The following TMEM175 variants were observed in gnomAD, a reference collection of about 807,000 sequenced individuals.
TMEM175 encodes transmembrane protein 175, also known as endosomal/lysosomal proton channel TMEM175.
A neutral mutation model predicts 36.5 loss-of-function variants in TMEM175; 36 were observed. The ratio of observed to expected loss-of-function variants is 0.99; its 90% CI spans 0.76 to 1.30. TMEM175 has a LOEUF of 1.30. Among genes scored for constraint, TMEM175 ranks in the 50% most tolerant of loss-of-function variants. The pLI is 0.00. For missense variants in TMEM175, 705 were observed against 692.8 expected, an observed-to-expected ratio of 1.02 and a Z score of -0.20; for synonymous variants, 339 against 313.4, an observed-to-expected ratio of 1.08 and a Z score of -0.86.
At chr4:937,954 A>G in intron 1 of TMEM175, among the ~76,000 whole-genome samples, 1 of 152,178 alleles carries the variant, frequency 6.6e-6, no homozygotes, top group Non-Finnish European at 1.5e-5. Context: ...GTCAATAGAT[A>G]CAGAGAAGCA....
At chr4:948,698 A>T in intron 3 of TMEM175, 2 of 1,196,270 alleles carry the variant, frequency 1.7e-6, no homozygotes, top group Non-Finnish European at 2.1e-6. Context: ...TAGAAGGGGA[A>T]TGACTGGAGG....
intron 10 of TMEM175, 72 bp from the exon 11 acceptor site, chr4:957,752 G>A (rs1167265204): frequency 1.8e-5 from 27 of 1,473,824 alleles, no homozygotes; most frequent in Non-Finnish European, 2.3e-5. Flanking sequence ...CCTGACAGGC[G>A]CTCAGCCACC....
In TMEM175 at chr4:947,713, C is replaced by T; in HGVS notation, c.-27C>T. ...CAGACCTGCCTTTCCTCCCAGGCTC[C>T]TGTAACCGCCAGGCAGCGGCCCCGC... On this transcript the variant is annotated 5_prime_UTR_variant, in exon 2 of 11. Transcript: ENST00000264771. 1.3e-6 allele frequency: 2 copies of T among 1,579,992 alleles called. No individual in the cohort carries two copies. The highest frequency in any genetic ancestry group is 2.3e-5 in the South Asian group (2 of 85,848).
intron 1 of TMEM175, among the ~76,000 whole-genome samples, chr4:942,997 A>G (rs1017816327): frequency 6.6e-6 from 1 of 152,168 alleles, no homozygotes; most frequent in Non-Finnish European, 1.5e-5. Flanking sequence ...GACAAGCCAC[A>G]GACTGCAAGA....
intron 3 of TMEM175, chr4:948,534 A>C (rs1241147444): frequency 2.9e-6 from 4 of 1,366,662 alleles, no homozygotes; most frequent in South Asian, 2.4e-5. Context: ...CAGGCCCCTT[A>C]CGTAGCTGCT....
chr4:958,604 G>A lies in TMEM175; in HGVS notation c.*108G>A. ...GGGCAGGCCGCAGTGGTTCTTGCGT[G>A]GCCTGGTTTTATTTTCATTGTGAAA... On this transcript the variant is annotated 3_prime_UTR_variant, in exon 11 of 11. Coordinates refer to ENST00000264771, the MANE Select transcript of TMEM175 (RefSeq NM_032326.4). 2.3e-6 allele frequency: 2 copies of A among 881,544 alleles called. No homozygotes were observed. Among genetic ancestry groups the A allele is most frequent in the Non-Finnish European group, 1.7e-6 (1 of 598,444 alleles). The allele number at this position is 881,544 out of a possible 1,614,324, so 54.6% of individuals were successfully genotyped here.
At chr4:942,516 T>C (rs1354408270) in intron 1 of TMEM175, among the ~76,000 whole-genome samples, 6 of 152,350 alleles carry the variant, frequency 3.9e-5, no homozygotes, top group Non-Finnish European at 7.4e-5. Flanking sequence ...TCCATTGGTC[T>C]GTGTCTATGC....
rs1560490236 is a variant in TMEM175 at position 951,230 on chromosome 4, C to G, written c.314C>G (p.Thr105Arg). The G allele has an allele frequency of 5.0e-6, 8 of 1,614,104 alleles. No individual in the cohort carries two copies. Among genetic ancestry groups the G allele is most frequent in the South Asian group, 1.1e-5 (1 of 91,084 alleles). The change falls in exon 5 of 11, where the codon ACA (threonine) becomes AGA (arginine). Residue 105 changes from threonine (T) to arginine (R), a missense_variant. Coordinates refer to ENST00000264771, the MANE Select transcript of TMEM175 (RefSeq NM_032326.4). ...HTRLFQVVGKTDDTLALLNLA... is the reference protein window; with the variant it reads ...HTRLFQVVGKRDDTLALLNLA... Reference sequence around the variant, plus strand: ...AGGTTGTTCCAAGTTGTTGGGAAAACAGACGACACACTTGCCCTGCTCAAC... The same window carrying G: ...AGGTTGTTCCAAGTTGTTGGGAAAAGAGACGACACACTTGCCCTGCTCAAC...
At chr4:951,178 A>G (rs1560490004) in intron 4 of TMEM175, 29 bp from the exon 5 acceptor site, 15 of 1,611,162 alleles carry the variant, frequency 9.3e-6, no homozygotes, top group Non-Finnish European at 1.2e-5. Context: ...ACCGCGTTTT[A>G]TTGTCTATCT....
intron 1 of TMEM175, among the ~76,000 whole-genome samples, chr4:947,100 G>A (rs1577410127): frequency 6.7e-6 from 1 of 148,728 alleles, no homozygotes; most frequent in Admixed American, 6.7e-5. Context: ...ACAGCCCCAG[G>A]CATGCGTGCA....
At chr4:939,457 T>A (rs914668874) in intron 1 of TMEM175, among the ~76,000 whole-genome samples, 1 of 151,730 alleles carries the variant, frequency 6.6e-6, no homozygotes, top group African/African-American at 2.4e-5. Flanking sequence ...GGCTCACGCC[T>A]GTAATCCCAG....
intron 2 of TMEM175, 111 bp downstream of exon 2, chr4:948,003 C>A: frequency 3.7e-6 from 6 of 1,610,292 alleles, no homozygotes; most frequent in Non-Finnish European, 5.1e-6. Flanking sequence ...TCCCCCAGCT[C>A]CTCAGGCAGC....
intron 1 of TMEM175, among the ~76,000 whole-genome samples, chr4:937,028 CAACATACTTTGTGTT>C (rs1726871085): frequency 1.3e-5 from 2 of 151,704 alleles, no homozygotes; most frequent in African/African-American, 4.8e-5. Context: ...TAAGGCATTG[CAACATACTTTGTGTT>C]ATCTAACCAT....
chr4:946,192 C>G (rs1190356372), intron 1 of TMEM175: 3 of 152,430 alleles, frequency 2.0e-5, no homozygotes, highest in African/African-American at 7.2e-5. Context: ...TGCTTTCCCA[C>G]ATGCTGTGTG....
intron 3 of TMEM175, chr4:948,765 C>T: frequency 1.1e-6 from 1 of 940,790 alleles, no homozygotes; most frequent in Admixed American, 3.6e-5. Flanking sequence ...TCGTGCGGCC[C>T]AAGCTTCATG....
intron 9 of TMEM175, 28 bp from the exon 10 acceptor site, chr4:955,727 C>T (rs1357160572): frequency 1.9e-6 from 3 of 1,606,352 alleles, no homozygotes; most frequent in Non-Finnish European, 2.6e-6. Context: ...GGGGTTTGGC[C>T]AGCTCCACCC....
At position 957,987 on chromosome 4, in the gene TMEM175, A is replaced by G. The variant is rs1298400791; in HGVS notation, c.1006A>G (p.Lys336Glu). ...AHHSLFLHVR[K>E]ATRAMGLLNT... is the part of the protein sequence containing the mutation. Reference sequence around the variant, plus strand: ...CCACTCACTCTTCCTGCATGTGCGCAAGGCCACGCGGGCCATGGGGCTGCT... The same window carrying G: ...CCACTCACTCTTCCTGCATGTGCGCGAGGCCACGCGGGCCATGGGGCTGCT... Residue 336 changes from lysine to glutamate, a missense_variant, in exon 11 of 11, where the codon AAG becomes GAG. Coordinates refer to ENST00000264771, the MANE Select transcript of TMEM175 (RefSeq NM_032326.4). 3.1e-6 allele frequency: 5 copies of G among 1,612,852 alleles called. No homozygotes were observed. Among genetic ancestry groups the G allele is most frequent in the Non-Finnish European group, 3.4e-6 (4 of 1,179,930 alleles).
At chr4:943,899 G>C (rs1332383382) in intron 1 of TMEM175, among the ~76,000 whole-genome samples, 8 of 152,176 alleles carry the variant, frequency 5.3e-5, no homozygotes, top group Admixed American at 5.2e-4. Context: ...AGCAACCAAA[G>C]AAGTGTGTTA....
At chr4:948,000 G>C (rs1167288443) in intron 2 of TMEM175, 108 bp downstream of exon 2, 1 of 1,609,776 alleles carries the variant, frequency 6.2e-7, no homozygotes, top group African/African-American at 1.3e-5. Flanking sequence ...GGGTCCCCCA[G>C]CTCCTCAGGC....
Sources: gnomAD v4.1 joint callset for allele counts (sites outside exome capture counted in the v4.1 genomes callset) on GRCh38, gnomAD v4.1.1 for gene constraint, MANE v1.5 for transcripts, NCBI Gene and HGNC (gene_info 2026-07-23, HGNC 2026-07-21) for gene names.